The following COL25A1 variants were observed in gnomAD, a reference collection of about 807,000 sequenced individuals.
COL25A1 encodes collagen alpha-1(XXV) chain.
COL25A1 carries 103 observed loss-of-function variants against 128.4 expected under a neutral mutation model. The observed-to-expected ratio is 0.80, with a 90% CI of 0.68 to 0.94. The LOEUF (loss-of-function observed/expected upper bound fraction) is 0.94, where lower values mean the gene tolerates loss of function less well. Among genes scored for constraint, COL25A1 ranks in the 40% least tolerant of loss-of-function variants. The pLI is 0.00. For synonymous variants in COL25A1, 279 were observed against 277.2 expected, an observed-to-expected ratio of 1.01 and a Z score of -0.06; for missense variants, 745 against 840.0, an observed-to-expected ratio of 0.89 and a Z score of 1.40.
chr4:108,874,068 C>G (rs1739138576), intron 19 of COL25A1, among the ~76,000 whole-genome samples: 1 of 152,142 alleles, frequency 6.6e-6, no homozygotes, highest in African/African-American at 2.4e-5. Flanking sequence ...GACTACTATA[C>G]TATAGTCCCA....
At chr4:109,143,801 T>A (rs1263232004) in intron 3 of COL25A1, among the ~76,000 whole-genome samples, 1 of 152,188 alleles carries the variant, frequency 6.6e-6, no homozygotes, top group East Asian at 1.9e-4. Flanking sequence ...CTCTAACCCT[T>A]TTTCAAGGTT....
At chr4:109,269,224 T>C (rs1328708369) in intron 3 of COL25A1, among the ~76,000 whole-genome samples, 1 of 152,002 alleles carries the variant, frequency 6.6e-6, no homozygotes, top group Non-Finnish European at 1.5e-5. Flanking sequence ...AGAATGATGG[T>C]TTCCAATTTC....
At chr4:109,097,891 T>C (rs1381531043) in intron 3 of COL25A1, among the ~76,000 whole-genome samples, 5 of 151,932 alleles carry the variant, frequency 3.3e-5, no homozygotes, top group Non-Finnish European at 7.4e-5. Flanking sequence ...CTCAATCTCT[T>C]GACCTCATGA....
intron 3 of COL25A1, among the ~76,000 whole-genome samples, chr4:109,288,145 A>G (rs965003351): frequency 6.6e-6 from 1 of 152,186 alleles, no homozygotes; most frequent in Non-Finnish European, 1.5e-5. Flanking sequence ...TGGTTTCTCC[A>G]TTCAAAAAGT....
chr4:109,117,406 C>A (rs1767701255), intron 3 of COL25A1, among the ~76,000 whole-genome samples: 1 of 151,944 alleles, frequency 6.6e-6, no homozygotes, highest in South Asian at 2.1e-4. Flanking sequence ...ATTCTGTACT[C>A]TGTGAAATTA....
chr4:109,181,296 C>A (rs1774605307), intron 3 of COL25A1, among the ~76,000 whole-genome samples: 1 of 152,064 alleles, frequency 6.6e-6, no homozygotes, highest in Non-Finnish European at 1.5e-5. Context: ...CTTTTACATT[C>A]AACTTCAGGG....
chr4:108,875,854 C>A (rs1361406035), intron 19 of COL25A1, among the ~76,000 whole-genome samples: 1 of 152,160 alleles, frequency 6.6e-6, no homozygotes, highest in East Asian at 1.9e-4. Flanking sequence ...AAATGTGGCA[C>A]ATATACACCA....
At chr4:108,921,693 T>C (rs560330468) in intron 11 of COL25A1, among the ~76,000 whole-genome samples, 60 of 152,332 alleles carry the variant, frequency 3.9e-4, no homozygotes, top group Admixed American at 2.2e-3. Flanking sequence ...AGAGAATCTG[T>C]TCACCATGTT....
intron 3 of COL25A1, among the ~76,000 whole-genome samples, chr4:109,145,069 T>C (rs1770795386): frequency 4.4e-5 from 1 of 22,848 alleles, no homozygotes; most frequent in East Asian, 3.4e-3. Context: ...AACCTCAGCT[T>C]TTTTTTTTTT....
chr4:109,097,194 G>A (rs1405897776), intron 3 of COL25A1, among the ~76,000 whole-genome samples: 4 of 152,164 alleles, frequency 2.6e-5, no homozygotes, highest in Admixed American at 6.5e-5. Context: ...CATTTAGCAC[G>A]ACTGACTCCG....
intron 13 of COL25A1, among the ~76,000 whole-genome samples, chr4:108,901,632 G>A (rs1742866390): frequency 1.3e-5 from 2 of 152,050 alleles, no homozygotes; most frequent in Admixed American, 1.3e-4. Flanking sequence ...ATACATCTTT[G>A]AACACCTACT....
intron 3 of COL25A1, among the ~76,000 whole-genome samples, chr4:109,133,633 T>C (rs1196066360): frequency 2.0e-5 from 3 of 152,188 alleles, no homozygotes; most frequent in Non-Finnish European, 2.9e-5. Context: ...ATGTAAGATA[T>C]ATAGCAGCAG....
intron 3 of COL25A1, among the ~76,000 whole-genome samples, chr4:109,198,690 G>A (rs1427429752): frequency 2.6e-5 from 4 of 152,186 alleles, no homozygotes; most frequent in South Asian, 2.1e-4. Flanking sequence ...TGTTTCAGCT[G>A]TGATGAGAAA....
intron 5 of COL25A1, among the ~76,000 whole-genome samples, chr4:109,015,382 G>T (rs1405157): frequency 0.51 from 77,711 of 152,036 alleles, 22,604 homozygotes; most frequent in African/African-American, 0.78. Context: ...ATGATTAAGG[G>T]TCACAAAACA....
chr4:109,252,254 C>T (rs1780704572), intron 3 of COL25A1, among the ~76,000 whole-genome samples: 1 of 152,360 alleles, frequency 6.6e-6, no homozygotes, highest in Non-Finnish European at 1.5e-5. Flanking sequence ...CACCAGGTAG[C>T]TGGCTGATCA....
At chr4:108,869,176 C>G (rs746275630) in intron 19 of COL25A1, 26 bp from the exon 20 acceptor site, 1 of 1,106,628 alleles carries the variant, frequency 9.0e-7, no homozygotes, top group Admixed American at 2.6e-5. Context: ...CATATGAGAT[C>G]ATTAATCATT....
At chr4:109,270,888 T>C (rs1430508260) in intron 3 of COL25A1, among the ~76,000 whole-genome samples, 2 of 152,226 alleles carry the variant, frequency 1.3e-5, no homozygotes, top group African/African-American at 2.4e-5. Context: ...AACTCACTTA[T>C]TGAATCCCCT....
chr4:109,252,877 G>A (rs1190342076), intron 3 of COL25A1, among the ~76,000 whole-genome samples: 2 of 152,198 alleles, frequency 1.3e-5, no homozygotes, highest in Admixed American at 6.5e-5. Context: ...GGAAACATCT[G>A]TAAAGCTGGC....
chr4:109,084,439 A>T (rs1316654838), intron 3 of COL25A1, among the ~76,000 whole-genome samples: 1 of 152,256 alleles, frequency 6.6e-6, no homozygotes, highest in Non-Finnish European at 1.5e-5. Context: ...GAAAAAAATC[A>T]GCAACATAAA....
Sources: gnomAD v4.1 joint callset for allele counts (sites outside exome capture counted in the v4.1 genomes callset) on GRCh38, gnomAD v4.1.1 for gene constraint, MANE v1.5 for transcripts, NCBI Gene and HGNC (gene_info 2026-07-23, HGNC 2026-07-21) for gene names.